KLF8: variants seen among roughly 807,000 people sequenced by gnomAD.
KLF8 encodes Krueppel-like factor 8.
In KLF8, 10 loss-of-function variants were observed where a neutral mutation model predicts 18.2. The ratio of observed to expected loss-of-function variants is 0.55; its 90% CI spans 0.34 to 0.93. The LOEUF (loss-of-function observed/expected upper bound fraction) is 0.93. Ranked by LOEUF, KLF8 falls within the 40% of genes least tolerant of loss-of-function variation. The pLI is 0.02. For missense variants in KLF8, 264 were observed against 277.9 expected, an observed-to-expected ratio of 0.95 and a Z score of 0.36; for synonymous variants, 109 against 97.3, an observed-to-expected ratio of 1.12 and a Z score of -0.71.
At position 56,265,598 on chromosome X, in the gene KLF8, G is replaced by A; in HGVS notation, c.500G>A (p.Ser167Asn). 1 of 1,211,839 alleles carries A rather than the reference G, an allele frequency of 8.3e-7. No individual in the cohort carries two copies. Residue 167 changes from serine to asparagine, a missense_variant, in exon 3 of 6, where the codon AGT becomes AAT. Physicochemically the swap from Ser to Asn is conservative, Grantham distance 46. This residue lies in a region of KLF8 where 221 missense variants were observed against 193.6 expected (regional missense o/e 1.14). Coordinates refer to ENST00000468660, the MANE Select transcript of KLF8 (RefSeq NM_007250.5). ...LHVIHTIPSV[S>N]LPNKMGGLKT... ...GTCATTCACACTATCCCCTCAGTCA[G>A]TCTGCCAAATAAGATGGGTGGCCTG...
the KLF8 span, among the ~76,000 whole-genome samples, chrX:56,109,697 A>G: frequency 8.9e-5 from 10 of 111,875 alleles, no homozygotes; most frequent in South Asian, 3.7e-3. Context: ...ATTATTATAC[A>G]TTCTTGTTAG....
intron 1 of KLF8, among the ~76,000 whole-genome samples, chrX:56,236,534 A>G (rs1048538152): frequency 9.1e-6 from 1 of 110,262 alleles, no homozygotes; most frequent in Non-Finnish European, 1.9e-5. Flanking sequence ...CTGTTTCTTT[A>G]TTATTATTCT....
intron 5 of KLF8, among the ~76,000 whole-genome samples, chrX:56,277,980 A>G (rs1004493570): frequency 8.9e-6 from 1 of 112,576 alleles, no homozygotes; most frequent in African/African-American, 3.2e-5. Context: ...TGATGTTCCC[A>G]TAAGGCCCAA....
At chrX:56,113,133 G>T in the KLF8 span, among the ~76,000 whole-genome samples, 1 of 108,437 alleles carries the variant, frequency 9.2e-6, no homozygotes, top group Non-Finnish European at 1.9e-5. Context: ...TGGAGTCAGA[G>T]GTTGCAGTGA....
the KLF8 span, among the ~76,000 whole-genome samples, chrX:55,944,080 T>G: frequency 2.1e-3 from 233 of 112,046 alleles, no homozygotes; most frequent in Non-Finnish European, 3.8e-3. Context: ...CTGCATCTAT[T>G]GAGATAATCA....
chrX:56,213,148 G>T, the KLF8 span, among the ~76,000 whole-genome samples: 1 of 109,609 alleles, frequency 9.1e-6, no homozygotes, highest in African/African-American at 3.3e-5. Context: ...GATGCTTTAT[G>T]GTATAGTGAA....
At chrX:56,272,866 C>T (rs2067074703) in intron 5 of KLF8, among the ~76,000 whole-genome samples, 1 of 111,155 alleles carries the variant, frequency 9.0e-6, no homozygotes, top group Admixed American at 9.6e-5. Flanking sequence ...TCCCATCACA[C>T]TCTGAATGAA....
the KLF8 span, among the ~76,000 whole-genome samples, chrX:55,935,567 G>A: frequency 5.3e-5 from 6 of 112,216 alleles, no homozygotes; most frequent in Non-Finnish European, 1.1e-4. Context: ...CCAGATACCA[G>A]TGAATAGGAG....
chrX:55,963,380 A>T, the KLF8 span, among the ~76,000 whole-genome samples: 1 of 111,403 alleles, frequency 9.0e-6, no homozygotes, highest in Non-Finnish European at 1.9e-5. Flanking sequence ...CTCATTTCAC[A>T]TCATGAGTTA....
the KLF8 span, among the ~76,000 whole-genome samples, chrX:56,077,541 G>A: frequency 8.9e-6 from 1 of 112,003 alleles, no homozygotes; most frequent in African/African-American, 3.2e-5. Flanking sequence ...TTTGGTTACT[G>A]TAGCCTTGTA....
the KLF8 span, chrX:55,908,442 G>C: frequency 3.4e-6 from 1 of 295,274 alleles, no homozygotes; most frequent in Admixed American, 6.1e-5. Context: ...GGGTGGGGTC[G>C]AGACTGGCAG....
upstream of KLF8, among the ~76,000 whole-genome samples, chrX:56,231,258 GA>G (rs2066399029): frequency 8.9e-6 from 1 of 111,794 alleles, no homozygotes; most frequent in Non-Finnish European, 1.9e-5. Context: ...GTGTTTTGGG[GA>G]AAGGAAGGTA....
At chrX:55,988,455 A>G in the KLF8 span, among the ~76,000 whole-genome samples, 21 of 111,807 alleles carry the variant, frequency 1.9e-4, no homozygotes, top group African/African-American at 5.5e-4. Context: ...TTATTAAATA[A>G]GGAATCCTTT....
the KLF8 span, among the ~76,000 whole-genome samples, chrX:55,993,244 A>T: frequency 9.0e-6 from 1 of 111,057 alleles, no homozygotes; most frequent in South Asian, 3.7e-4. Context: ...TTTTCCATAG[A>T]TTGCTGTTAT....
At chrX:56,024,912 G>A in the KLF8 span, among the ~76,000 whole-genome samples, 1 of 112,035 alleles carries the variant, frequency 8.9e-6, no homozygotes, top group Non-Finnish European at 1.9e-5. Context: ...AACAATATGA[G>A]GGGTCTCTTT....
At chrX:56,177,214 G>T in the KLF8 span, among the ~76,000 whole-genome samples, 2 of 111,379 alleles carry the variant, frequency 1.8e-5, no homozygotes, top group Non-Finnish European at 3.8e-5. Context: ...TGCTCTGTTT[G>T]TTCACCATCT....
chrX:56,250,237 A>T lies in KLF8; in HGVS notation c.14A>T (p.Asp5Val). Reference protein sequence around the residue: MVDMDKLINNLEVQL... With the variant: MVDMVKLINNLEVQL... ...TTCCTTTTCTCTTTTCCAGATATGG[A>T]TAAACTCATAAACAACTTGGAGGTC... is the stretch of plus-strand genomic sequence containing the variant. Residue 5 changes from aspartate to valine, a missense_variant, in exon 2 of 6, where the codon GAT becomes GTT. Physicochemically the swap from Asp to Val is radical, Grantham distance 152. Transcript: ENST00000468660. 8.3e-7 allele frequency: 1 copy of T among 1,200,921 alleles called. No homozygotes were observed. Among genetic ancestry groups the T allele is most frequent in the Non-Finnish European group, 1.1e-6 (1 of 886,323 alleles).
At chrX:56,116,810 A>G in the KLF8 span, among the ~76,000 whole-genome samples, 1 of 109,701 alleles carries the variant, frequency 9.1e-6, no homozygotes, top group Non-Finnish European at 1.9e-5. Context: ...CATTAACTAT[A>G]GTCACCATGC....
In KLF8 at chrX:56,233,215, G is replaced by C; in HGVS notation, c.-120G>C. ...CGAGAAGACGAGAACGCGTCGCCCTGCGCTATGTCAGAATGGGGCGGGTGT... is the reference window on the plus strand; with the variant it reads ...CGAGAAGACGAGAACGCGTCGCCCTCCGCTATGTCAGAATGGGGCGGGTGT... On this transcript the variant is annotated 5_prime_UTR_variant, in exon 1 of 6. Transcript: ENST00000468660. The C allele has an allele frequency of 1.2e-6, 1 of 852,290 alleles. No homozygotes were observed. The highest frequency in any genetic ancestry group is 2.1e-5 in the South Asian group (1 of 47,115). The allele number at this position is 852,290 out of a possible 1,213,427, so 70.2% of individuals were successfully genotyped here. A position where few individuals can be genotyped will look rare whatever the true frequency, so the allele number is the denominator to read the frequency against.
Sources: gnomAD v4.1 joint callset for allele counts (sites outside exome capture counted in the v4.1 genomes callset) on GRCh38, gnomAD v4.1.1 for gene constraint, gnomAD v4.1.1 regional missense constraint, MANE v1.5 for transcripts, NCBI Gene and HGNC (gene_info 2026-07-23, HGNC 2026-07-21) for gene names.